Variants in ZNF407 observed in about 807,000 individuals in gnomAD.
ZNF407 encodes the protein zinc finger protein 407.
Under a neutral mutation model 131.2 loss-of-function variants are expected in ZNF407, and 17 were observed. That is an observed-to-expected ratio of 0.13 (90% CI 0.09 to 0.19). The LOEUF (loss-of-function observed/expected upper bound fraction) is 0.19. Among genes scored for constraint, ZNF407 ranks in the 10% least tolerant of loss-of-function variants. The probability of loss-of-function intolerance (pLI) is 1.00; values close to 1 mark genes in which losing one functional copy is unlikely to be tolerated. For missense variants in ZNF407, 2,681 were observed against 2,830.6 expected (o/e 0.95, Z 1.20); for synonymous variants, 1,156 against 1,062.0 (o/e 1.09, Z -1.72).
At position 74,633,940 on chromosome 18, in the gene ZNF407, T is replaced by G. The variant is rs755835612; in HGVS notation, c.2921T>G (p.Phe974Cys). 6.2e-7 allele frequency: 1 copy of G among 1,614,012 alleles called. No homozygotes were observed. Among genetic ancestry groups the G allele is most frequent in the East Asian group, 2.2e-5 (1 of 44,880 alleles). Residue 974 changes from phenylalanine (F) to cysteine (C), a missense_variant, in exon 2 of 9, where the codon TTT becomes TGT. Physicochemically the swap from Phe to Cys is radical, Grantham distance 205. This residue lies in a region of ZNF407 where 1,789 missense variants were observed against 1,748.7 expected (regional missense o/e 1.02). Transcript: ENST00000299687. Reference protein sequence around the residue: ...NSIEAEVENVFHSLDGEVNSH... With the variant: ...NSIEAEVENVCHSLDGEVNSH... ...ATTGAAGCTGAAGTTGAAAATGTAT[T>G]TCATTCTCTAGATGGAGAAGTTAAC...
intron 3 of ZNF407, among the ~76,000 whole-genome samples, chr18:74,716,847 A>G (rs1967905888): frequency 6.6e-6 from 1 of 152,202 alleles, no homozygotes; most frequent in Non-Finnish European, 1.5e-5. Flanking sequence ...ATCGCATTTT[A>G]AAATGAGCAT....
chr18:74,826,769 A>C (rs1970415370), intron 4 of ZNF407, among the ~76,000 whole-genome samples: 1 of 152,188 alleles, frequency 6.6e-6, no homozygotes, highest in Non-Finnish European at 1.5e-5. Flanking sequence ...TGTCATCTTC[A>C]CTGGCAGCAT....
At chr18:74,687,922 T>G (rs1967132184) in intron 3 of ZNF407, among the ~76,000 whole-genome samples, 1 of 152,164 alleles carries the variant, frequency 6.6e-6, no homozygotes, top group South Asian at 2.1e-4. Context: ...AATTAATACT[T>G]TTGTAGTAAT....
intron 8 of ZNF407, among the ~76,000 whole-genome samples, chr18:74,973,290 A>G (rs901838409): frequency 6.6e-6 from 1 of 152,242 alleles, no homozygotes; most frequent in Non-Finnish European, 1.5e-5. Context: ...GAATAACTAC[A>G]TGCATTGAGA....
intron 3 of ZNF407, among the ~76,000 whole-genome samples, chr18:74,682,205 G>A (rs1211943086): frequency 2.0e-5 from 3 of 152,214 alleles, no homozygotes; most frequent in Non-Finnish European, 4.4e-5. Flanking sequence ...TTGACTGGAT[G>A]TCGAGTCAGT....
At chr18:74,726,068 T>C (rs1396360886) in intron 3 of ZNF407, among the ~76,000 whole-genome samples, 1 of 152,194 alleles carries the variant, frequency 6.6e-6, no homozygotes, top group Non-Finnish European at 1.5e-5. Flanking sequence ...GGTTAAATAA[T>C]GGTAATATAC....
At chr18:75,012,049 G>A (rs574681956) in intron 8 of ZNF407, among the ~76,000 whole-genome samples, 48 of 152,160 alleles carry the variant, frequency 3.2e-4, no homozygotes, top group African/African-American at 1.1e-3. Context: ...AGTTTCACCT[G>A]GTTATTGATA....
chr18:74,912,666 AC>A (rs1225180858), intron 7 of ZNF407, among the ~76,000 whole-genome samples: 1 of 152,204 alleles, frequency 6.6e-6, no homozygotes, highest in Non-Finnish European at 1.5e-5. Context: ...CTCTACAGGT[AC>A]TAGAACCAAA....
intron 8 of ZNF407, among the ~76,000 whole-genome samples, chr18:75,027,219 C>T (rs1431571150): frequency 2.0e-5 from 3 of 152,194 alleles, no homozygotes; most frequent in Non-Finnish European, 1.5e-5. Flanking sequence ...CTGTGCGGCA[C>T]ATTCAAGGCA....
rs950815047 is a variant in ZNF407 at position 74,922,181 on chromosome 18, T to C, written c.5428+1489T>C. Among the ~76,000 whole-genome samples, 15 of 152,188 alleles carry C rather than the reference T, an allele frequency of 9.9e-5. No homozygotes were observed. In the East Asian group the frequency reaches 1.2e-3, roughly 12 times the overall value. On this transcript the variant is annotated intron_variant, in intron 8 of 8. Coordinates refer to ENST00000299687, the MANE Select transcript of ZNF407 (RefSeq NM_017757.3). Reference sequence around the variant, plus strand: ...GTTCATAAAAACAGATAAAGTCGAGTTGAAATATCTCTGGCCATAAGTGCC... The same window carrying C: ...GTTCATAAAAACAGATAAAGTCGAGCTGAAATATCTCTGGCCATAAGTGCC...
chr18:74,778,164 C>T (rs991350891), intron 3 of ZNF407, among the ~76,000 whole-genome samples: 1 of 152,202 alleles, frequency 6.6e-6, no homozygotes, highest in African/African-American at 2.4e-5. Flanking sequence ...GCTATTCTCA[C>T]CCGCCCTCTT....
chr18:74,989,531 G>C (rs1188154184), intron 8 of ZNF407, among the ~76,000 whole-genome samples: 1 of 152,200 alleles, frequency 6.6e-6, no homozygotes, highest in African/African-American at 2.4e-5. Context: ...TATGAACTTA[G>C]CATTTTAGAT....
At chr18:74,897,490 C>T (rs576326298) in intron 7 of ZNF407, among the ~76,000 whole-genome samples, 43 of 152,094 alleles carry the variant, frequency 2.8e-4, no homozygotes, top group South Asian at 8.3e-4. Flanking sequence ...ATCGCAAATC[C>T]AGTCATTATA....
intron 3 of ZNF407, among the ~76,000 whole-genome samples, chr18:74,775,703 T>G (rs1969455539): frequency 6.6e-6 from 1 of 152,078 alleles, no homozygotes; most frequent in Admixed American, 6.6e-5. Context: ...TGACGCTGAG[T>G]AATTTATAAA....
chr18:74,830,793 A>G (rs966748023), intron 4 of ZNF407, among the ~76,000 whole-genome samples: 2 of 152,150 alleles, frequency 1.3e-5, no homozygotes, highest in Non-Finnish European at 2.9e-5. Flanking sequence ...CCTTGTAGCT[A>G]TTTGAAACTG....
At chr18:74,616,075 A>G (rs987815522) in intron 1 of ZNF407, among the ~76,000 whole-genome samples, 1 of 152,208 alleles carries the variant, frequency 6.6e-6, no homozygotes, top group African/African-American at 2.4e-5. Context: ...CAGGAGGAAC[A>G]GTTATCTTTT....
At chr18:74,647,071 C>T (rs1985004972) in intron 3 of ZNF407, among the ~76,000 whole-genome samples, 1 of 152,080 alleles carries the variant, frequency 6.6e-6, no homozygotes, top group South Asian at 2.1e-4. Context: ...TCCAGTGAAA[C>T]AATCATGTTC....
rs959159966 is a variant in ZNF407 at position 75,048,701 on chromosome 18, A to G, written c.5429-14449A>G. Among the ~76,000 whole-genome samples, 1 of 152,224 alleles carries G rather than the reference A, an allele frequency of 6.6e-6. No homozygotes were observed. The highest frequency in any genetic ancestry group is 2.4e-5 in the African/African-American group (1 of 41,456). ...CAACTAGATTATTTTCATCAACTTT[A>G]TAACTATGTTTAAAATGTTTGTTTT... is the stretch of plus-strand genomic sequence containing the variant. On this transcript the variant is annotated intron_variant, in intron 8 of 8. Transcript: ENST00000299687. The surrounding 1 kb of genome is among the most constrained non-coding windows in gnomAD (Gnocchi z 4.1).
chr18:74,620,762 C>A (rs879195257), intron 1 of ZNF407, among the ~76,000 whole-genome samples: 1 of 152,026 alleles, frequency 6.6e-6, no homozygotes, highest in East Asian at 1.9e-4. Flanking sequence ...CCAGAGGCCC[C>A]TAAGCTTGAA....
Sources: gnomAD v4.1 joint callset for allele counts (sites outside exome capture counted in the v4.1 genomes callset) on GRCh38, gnomAD v4.1.1 for gene constraint, gnomAD v4.1.1 regional missense constraint, Gnocchi (gnomAD v3.1) non-coding constraint, MANE v1.5 for transcripts, NCBI Gene and HGNC (gene_info 2026-07-23, HGNC 2026-07-21) for gene names.